AVEN: variants seen among roughly 807,000 people sequenced by gnomAD.
AVEN encodes cell death regulator Aven.
Under a neutral mutation model 38.1 loss-of-function variants are expected in AVEN, and 41 were observed. The observed-to-expected ratio is 1.08, with a 90% confidence interval of 0.84 to 1.40. The LOEUF (loss-of-function observed/expected upper bound fraction) is 1.40, where lower values mean the gene tolerates loss of function less well. Ranked by LOEUF, AVEN falls within the 40% of genes most tolerant of loss-of-function variation. The pLI is 0.00. For missense variants in AVEN, 605 were observed against 438.8 expected, an observed-to-expected ratio of 1.38 and a Z score of -3.38; for synonymous variants, 206 against 171.8, an observed-to-expected ratio of 1.20 and a Z score of -1.56.
chr15:34,025,173 A>T (rs768768647), intron 1 of AVEN, among the ~76,000 whole-genome samples: 2 of 152,174 alleles, frequency 1.3e-5, no homozygotes, highest in African/African-American at 2.4e-5. Flanking sequence ...CCATCTCAAA[A>T]AAAAGGGTGG....
chr15:33,940,204 A>G (rs1196133184), intron 2 of AVEN, among the ~76,000 whole-genome samples: 1 of 152,224 alleles, frequency 6.6e-6, no homozygotes, highest in African/African-American at 2.4e-5. Flanking sequence ...TGTTAAACAG[A>G]TGGGGAAAGT....
chr15:33,961,539 T>A (rs8034174), intron 2 of AVEN, among the ~76,000 whole-genome samples: 2 of 151,916 alleles, frequency 1.3e-5, no homozygotes, highest in Admixed American at 6.6e-5. Flanking sequence ...CTGCACTGGG[T>A]GAGGTGGCTC....
chr15:33,859,460 C>A lies in AVEN; in HGVS notation n.2730-366G>T, dbSNP rs918531857. ...GAATACTGGCACCTCTGAAGAGTTC[C>A]CCTCTCGTGGCTTAGGGCTGCCACA... is the stretch of plus-strand genomic sequence containing the variant. On this transcript the variant is annotated intron_variant and non_coding_transcript_variant, in intron 11 of 11. Coordinates refer to the AVEN transcript ENST00000675287. 5 of 1,116,332 alleles carry A rather than the reference C, an allele frequency of 4.5e-6. No homozygotes were observed. In the African/African-American group the frequency reaches 7.7e-5, roughly 17 times the overall value. 69.2% of individuals were successfully genotyped at this position (1,116,332 alleles called of 1,614,324 possible). A position where few individuals can be genotyped will look rare whatever the true frequency, so the allele number is the denominator to read the frequency against.
intron 2 of AVEN, among the ~76,000 whole-genome samples, chr15:33,979,303 C>T (rs1896031807): frequency 6.6e-6 from 1 of 152,142 alleles, no homozygotes; most frequent in Admixed American, 6.5e-5. Context: ...GGAAGGATTG[C>T]TTGAGCCCAA....
chr15:33,960,729 C>CT (rs1895129222), intron 2 of AVEN, among the ~76,000 whole-genome samples: 1 of 152,178 alleles, frequency 6.6e-6, no homozygotes, highest in African/African-American at 2.4e-5. Flanking sequence ...ATTTTATCTT[C>CT]TGCTGTATAG....
chr15:33,857,869 C>CGAA (rs1370788115), downstream of AVEN: 1 of 1,614,090 alleles, frequency 6.2e-7, no homozygotes, highest in Non-Finnish European at 8.5e-7. Flanking sequence ...ACAACAAAAG[C>CGAA]GAAGACGATG....
chr15:33,866,116 G>C (rs1890427277), downstream of AVEN: 1 of 163,222 alleles, frequency 6.1e-6, no homozygotes, highest in Middle Eastern at 3.3e-3. Flanking sequence ...CCAGGGTCTG[G>C]ACTCTTGGAA....
intron 5 of AVEN, among the ~76,000 whole-genome samples, chr15:34,047,253 A>G (rs1330685961): frequency 6.6e-6 from 1 of 151,852 alleles, no homozygotes; most frequent in Non-Finnish European, 1.5e-5. Flanking sequence ...AACTTTTTGT[A>G]TTTTTAGTAG....
chr15:34,073,989 C>CTTTTTTTTTTTTT (rs5811818), intron 1 of AVEN, among the ~76,000 whole-genome samples: 10 of 31,508 alleles, frequency 3.2e-4, no homozygotes, highest in African/African-American at 4.6e-4. Context: ...TCTTCTTCTT[C>CTTTTTTTTTTTTT]TTTTTTTTTT....
At chr15:33,953,989 A>G (rs1894852135) in intron 2 of AVEN, among the ~76,000 whole-genome samples, 1 of 152,238 alleles carries the variant, frequency 6.6e-6, no homozygotes, top group Non-Finnish European at 1.5e-5. Context: ...AAAGTGGGCA[A>G]AGGATATGAA....
At chr15:33,851,950 G>GT in the AVEN span, 1 of 151,390 alleles carries the variant, frequency 6.6e-6, no homozygotes, top group East Asian at 1.9e-4. Flanking sequence ...ACCAGCATTT[G>GT]TTTTTGCTTT....
At chr15:34,012,713 T>C (rs879795289) in intron 1 of AVEN, among the ~76,000 whole-genome samples, 3 of 152,224 alleles carry the variant, frequency 2.0e-5, no homozygotes, top group Non-Finnish European at 4.4e-5. Context: ...CACTTGAAGA[T>C]ATTTTCCAAA....
intron 1 of AVEN, among the ~76,000 whole-genome samples, chr15:34,031,458 A>C (rs1898818329): frequency 1.3e-5 from 2 of 152,140 alleles, no homozygotes; most frequent in African/African-American, 4.8e-5. Context: ...TACGGGCATG[A>C]GCCACCATGC....
At chr15:34,023,610 T>C (rs998580054) in intron 1 of AVEN, among the ~76,000 whole-genome samples, 1 of 152,130 alleles carries the variant, frequency 6.6e-6, no homozygotes, top group Non-Finnish European at 1.5e-5. Context: ...TAACAAAAGA[T>C]GGAAGAAAAT....
chr15:33,854,095 C>T (rs563530614), downstream of AVEN, among the ~76,000 whole-genome samples: 1 of 151,606 alleles, frequency 6.6e-6, no homozygotes, highest in South Asian at 2.1e-4. Context: ...GCTTGGGAGG[C>T]TGAGGCAGGA....
At position 34,003,200 on chromosome 15, in the gene AVEN, C is replaced by T. The variant is rs951595685; in HGVS notation, c.277G>A (p.Asp93Asn). ...GAGASAPVED[D>N]SDAETYGEEN... is the part of the protein sequence containing the mutation. ...TCTCCATAGGTCTCTGCATCGCTGT[C>T]ATCTTCAACCTGCAATCATTAGAGA... The change falls in exon 2 of 6, where the codon GAC becomes AAC. Residue 93 changes from aspartate to asparagine, a missense_variant. Asp to Asn is a conservative substitution (Grantham distance 23). Transcript: ENST00000306730. 2.5e-6 allele frequency: 4 copies of T among 1,613,186 alleles called. No homozygotes were observed. In the African/African-American group the frequency reaches 4.0e-5, roughly 16 times the overall value.
chr15:33,940,821 T>A (rs531627459), intron 2 of AVEN, among the ~76,000 whole-genome samples: 1 of 152,322 alleles, frequency 6.6e-6, no homozygotes, highest in South Asian at 2.1e-4. Flanking sequence ...ATTACAGATG[T>A]GAGCCACCAC....
rs1233556277 is a variant in AVEN, at chr15:34,063,165, A to G, written n.1394T>C. On this transcript the variant is annotated non_coding_transcript_exon_variant, in exon 5 of 12. Coordinates refer to the AVEN transcript ENST00000675287. The surrounding 1 kb of genome is among the most constrained non-coding windows in gnomAD (Gnocchi z 4.1). ...GCGTACTCCGAAAAGGGCTGGCATC[A>G]TGATTGGCTTGGCCTGGCTGATCTC... 22 of 1,614,026 alleles carry G rather than the reference A, an allele frequency of 1.4e-5. No homozygotes were observed. Among genetic ancestry groups the G allele is most frequent in the Non-Finnish European group, 1.8e-5 (21 of 1,180,050 alleles).
chr15:34,031,629 TCTC>T (rs1023972012), intron 1 of AVEN, among the ~76,000 whole-genome samples: 14 of 152,308 alleles, frequency 9.2e-5, no homozygotes, highest in African/African-American at 3.1e-4. Context: ...ATTCCATTAA[TCTC>T]CTATTTTTTT....
Sources: allele counts gnomAD v4.1 joint callset (sites outside exome capture counted in the v4.1 genomes callset), GRCh38; gene constraint gnomAD v4.1.1; non-coding constraint Gnocchi (gnomAD v3.1); transcripts MANE v1.5; gene names NCBI Gene and HGNC (gene_info 2026-07-23, HGNC 2026-07-21).